Variants in CFAP91 observed in about 807,000 individuals in gnomAD.
The protein encoded by CFAP91 is cilia- and flagella-associated protein 91.
Under a neutral mutation model 95.9 loss-of-function variants are expected in CFAP91, and 85 were observed. That is an observed-to-expected ratio of 0.89 (90% CI 0.74 to 1.06). The LOEUF (loss-of-function observed/expected upper bound fraction) is 1.06. CFAP91 is among the 50% of genes least tolerant of loss of function. The pLI, the probability that CFAP91 is intolerant of heterozygous loss-of-function variation, is 0.00. For missense variants in CFAP91, 962 were observed against 943.4 expected, an observed-to-expected ratio of 1.02 and a Z score of -0.26; for synonymous variants, 335 against 327.5, an observed-to-expected ratio of 1.02 and a Z score of -0.25.
At chr3:119,718,539 G>A (rs951922674) in intron 6 of CFAP91, among the ~76,000 whole-genome samples, 3 of 152,002 alleles carry the variant, frequency 2.0e-5, no homozygotes, top group African/African-American at 7.3e-5. Context: ...AAAGACATTA[G>A]CCTTCACACT....
intron 3 of CFAP91, 69 bp downstream of exon 3, chr3:119,707,630 T>C: frequency 5.7e-6 from 8 of 1,403,836 alleles, no homozygotes; most frequent in Non-Finnish European, 7.6e-6. Flanking sequence ...TCATTTACCA[T>C]GTGTGGTTTT....
At chr3:119,751,387 A>G (rs1257892159) in intron 17 of CFAP91, among the ~76,000 whole-genome samples, 4 of 152,246 alleles carry the variant, frequency 2.6e-5, no homozygotes, top group Admixed American at 1.3e-4. Flanking sequence ...ATGAAGCTAT[A>G]GAATGTGTCA....
chr3:119,751,552 C>T (rs1029575749), intron 17 of CFAP91, among the ~76,000 whole-genome samples: 7 of 152,168 alleles, frequency 4.6e-5, no homozygotes, highest in African/African-American at 1.7e-4. Context: ...TTGGGCTCAA[C>T]TAAAGGCTGT....
Position 119,703,058 on chromosome 3 carries a change from A to AC in CFAP91, c.-38dup. ...GACGTGCACGCAGTAGCCAGGCCTG[A>AC]CCCGCTGGTCCCTTGCTGGCGGGAG... On this transcript the variant is annotated 5_prime_UTR_variant, in exon 1 of 18. Coordinates refer to ENST00000273390, the MANE Select transcript of CFAP91 (RefSeq NM_033364.4). The AC allele has an allele frequency of 6.5e-7, 1 of 1,547,056 alleles. No individual in the cohort carries two copies.
rs1266706322 is a variant in CFAP91 at position 119,703,315 on chromosome 3, G to A, written c.124+93G>A. ...GGACCTGGCCAGGGGCATGGCGAAC[G>A]AAACACGACCCTCTGGACTGACCTC... On this transcript the variant is annotated intron_variant, in intron 1 of 17. Coordinates refer to ENST00000273390, the MANE Select transcript of CFAP91 (RefSeq NM_033364.4). 2.6e-6 allele frequency: 4 copies of A among 1,548,562 alleles called. No individual in the cohort carries two copies. In the African/African-American group the frequency reaches 5.4e-5, roughly 21 times the overall value.
intron 17 of CFAP91, among the ~76,000 whole-genome samples, chr3:119,762,681 T>C (rs1223962024): frequency 6.6e-6 from 1 of 152,012 alleles, no homozygotes; most frequent in African/African-American, 2.4e-5. Context: ...TTGTGGTCAA[T>C]TGATTTTTGA....
intron 7 of CFAP91, among the ~76,000 whole-genome samples, chr3:119,727,104 C>T (rs555663034): frequency 3.2e-4 from 48 of 152,132 alleles, no homozygotes; most frequent in Non-Finnish European, 5.7e-4. Context: ...AAAGGAAGGG[C>T]GTTTGCTGAG....
intron 5 of CFAP91, among the ~76,000 whole-genome samples, chr3:119,711,507 C>T (rs578206961): frequency 6.6e-6 from 1 of 152,298 alleles, no homozygotes; most frequent in African/African-American, 2.4e-5. Flanking sequence ...AACACCATGA[C>T]CTCCCCAACT....
intron 6 of CFAP91, among the ~76,000 whole-genome samples, chr3:119,716,623 G>C (rs1170910122): frequency 1.3e-5 from 2 of 152,120 alleles, no homozygotes; most frequent in South Asian, 4.1e-4. Flanking sequence ...GTCTTACTCT[G>C]TCGCCCAGGC....
intron 3 of CFAP91, among the ~76,000 whole-genome samples, 155 bp downstream of exon 3, chr3:119,707,716 T>C (rs2053395486): frequency 6.9e-6 from 1 of 145,726 alleles, no homozygotes; most frequent in Non-Finnish European, 1.5e-5. Flanking sequence ...AACCTGATTA[T>C]ATATTGTATA....
intron 7 of CFAP91, among the ~76,000 whole-genome samples, chr3:119,728,403 C>T (rs1456021387): frequency 6.6e-6 from 1 of 152,156 alleles, no homozygotes; most frequent in Non-Finnish European, 1.5e-5. Context: ...TTATGCTGCA[C>T]TCTTAAATTT....
chr3:119,712,841 G>A (rs2053496580), intron 5 of CFAP91, among the ~76,000 whole-genome samples: 1 of 151,796 alleles, frequency 6.6e-6, no homozygotes, highest in Admixed American at 6.6e-5. Context: ...TGTAATCCCA[G>A]CTACTTGGGA....
intron 8 of CFAP91, among the ~76,000 whole-genome samples, chr3:119,730,719 C>G (rs2053881761): frequency 6.6e-6 from 1 of 151,604 alleles, no homozygotes; most frequent in South Asian, 2.1e-4. Context: ...GTTTCTTACC[C>G]TTTCTTCATT....
At chr3:119,706,501 C>A in intron 1 of CFAP91, 1 of 255,842 alleles carries the variant, frequency 3.9e-6, no homozygotes, top group Admixed American at 5.0e-5. Flanking sequence ...GAGTTTTGTT[C>A]ATAGGAGAGA....
chr3:119,750,750 C>G (rs1033410308), intron 16 of CFAP91, 187 bp from the exon 17 acceptor site: 1 of 608,964 alleles, frequency 1.6e-6, no homozygotes, highest in Non-Finnish European at 2.9e-6. Context: ...TGGAGGCAAG[C>G]CTGGTGGAAA....
chr3:119,757,737 C>T (rs2054460519), intron 17 of CFAP91, among the ~76,000 whole-genome samples: 1 of 152,000 alleles, frequency 6.6e-6, no homozygotes, highest in Non-Finnish European at 1.5e-5. Context: ...ATATTACGCC[C>T]AACAACTACA....
intron 17 of CFAP91, among the ~76,000 whole-genome samples, chr3:119,758,953 A>G (rs986882257): frequency 1.3e-5 from 2 of 152,096 alleles, no homozygotes; most frequent in South Asian, 2.1e-4. Flanking sequence ...ATTACAGAAA[A>G]CTATAGTCAA....
At chr3:119,721,710 G>A (rs2053687580) in intron 6 of CFAP91, among the ~76,000 whole-genome samples, 2 of 152,196 alleles carry the variant, frequency 1.3e-5, no homozygotes, top group Admixed American at 6.5e-5. Flanking sequence ...CTGAGTCAGT[G>A]CAGCAAGATA....
At chr3:119,753,116 C>T (rs1399778065) in intron 17 of CFAP91, among the ~76,000 whole-genome samples, 1 of 152,060 alleles carries the variant, frequency 6.6e-6, no homozygotes, top group African/African-American at 2.4e-5. Flanking sequence ...ATTTCTGGGC[C>T]AAGATCTAGG....
Sources: allele counts gnomAD v4.1 joint callset (sites outside exome capture counted in the v4.1 genomes callset), GRCh38; gene constraint gnomAD v4.1.1; transcripts MANE v1.5; gene names NCBI Gene and HGNC (gene_info 2026-07-23, HGNC 2026-07-21).